The following CEP70 variants were observed in gnomAD, a reference collection of about 807,000 sequenced individuals.
The protein encoded by CEP70 is centrosomal protein of 70 kDa.
A neutral mutation model predicts 90.9 loss-of-function variants in CEP70; 70 were observed. The observed-to-expected ratio is 0.77, with a 90% CI of 0.64 to 0.94. The LOEUF (loss-of-function observed/expected upper bound fraction) is 0.94. CEP70 is among the 40% of genes least tolerant of loss of function. The pLI is 0.00. For synonymous variants in CEP70, 220 were observed against 228.3 expected, an observed-to-expected ratio of 0.96 and a Z score of 0.33; for missense variants, 648 against 669.0, an observed-to-expected ratio of 0.97 and a Z score of 0.35.
chr3:138,577,089 G>C (rs574473782), intron 2 of CEP70, among the ~76,000 whole-genome samples: 1 of 152,072 alleles, frequency 6.6e-6, no homozygotes, highest in Non-Finnish European at 1.5e-5. Context: ...GCAAACTATC[G>C]CAAGGATAGA....
chr3:138,583,636 A>T (rs866424285), intron 2 of CEP70, among the ~76,000 whole-genome samples: 1 of 152,280 alleles, frequency 6.6e-6, no homozygotes. Flanking sequence ...TAAAACTAGA[A>T]ATCAGTTAAC....
At chr3:138,572,714 T>G (rs367564541) in intron 3 of CEP70, 145 bp downstream of exon 3, 4 of 674,192 alleles carry the variant, frequency 5.9e-6, no homozygotes, top group East Asian at 2.7e-5. Context: ...CTTAGAGTAA[T>G]TAAACCATTT....
chr3:138,567,126 T>C (rs1386123243), intron 6 of CEP70, among the ~76,000 whole-genome samples: 1 of 152,204 alleles, frequency 6.6e-6, no homozygotes, highest in African/African-American at 2.4e-5. Flanking sequence ...ATCAATTATA[T>C]TAATAGCCCA....
intron 6 of CEP70, among the ~76,000 whole-genome samples, chr3:138,560,474 T>G (rs1321017274): frequency 2.8e-5 from 4 of 141,172 alleles, no homozygotes; most frequent in South Asian, 2.2e-4. Context: ...GGAGTTTTTG[T>G]TTTTTTTTTT....
At chr3:138,578,897 A>C (rs1281837172) in intron 2 of CEP70, among the ~76,000 whole-genome samples, 1 of 152,218 alleles carries the variant, frequency 6.6e-6, no homozygotes, top group Non-Finnish European at 1.5e-5. Flanking sequence ...ACAAAAAAGC[A>C]CCTTCATAAG....
intron 2 of CEP70, among the ~76,000 whole-genome samples, chr3:138,575,459 C>T (rs931347913): frequency 2.0e-5 from 3 of 152,062 alleles, no homozygotes; most frequent in Non-Finnish European, 4.4e-5. Context: ...TGTGAAAAGA[C>T]CAAATCTATG....
At chr3:138,583,602 G>A (rs755844194) in intron 2 of CEP70, among the ~76,000 whole-genome samples, 5 of 152,072 alleles carry the variant, frequency 3.3e-5, no homozygotes, top group Non-Finnish European at 7.4e-5. Context: ...ATAATATAAA[G>A]TATCTTCTCT....
At chr3:138,519,246 G>A (rs1184436269) in intron 11 of CEP70, among the ~76,000 whole-genome samples, 1 of 125,966 alleles carries the variant, frequency 7.9e-6, no homozygotes, top group Non-Finnish European at 1.9e-5. Context: ...GAACCAAGCT[G>A]GAAAACACTC....
At chr3:138,566,478 C>T (rs532491712) in intron 6 of CEP70, among the ~76,000 whole-genome samples, 68 of 152,256 alleles carry the variant, frequency 4.5e-4, no homozygotes, top group African/African-American at 1.5e-3. Flanking sequence ...ATATACATCA[C>T]GGAATACTAT....
chr3:138,556,507 G>A (rs2040013844), intron 6 of CEP70, among the ~76,000 whole-genome samples: 1 of 124,118 alleles, frequency 8.1e-6, no homozygotes. Flanking sequence ...CAGCCTGGGT[G>A]ACAGAGTGAG....
chr3:138,524,231 G>A (rs1240432975), intron 11 of CEP70, among the ~76,000 whole-genome samples: 2 of 151,392 alleles, frequency 1.3e-5, no homozygotes, highest in East Asian at 3.9e-4. Context: ...AATTCAAGAT[G>A]GATTAAAGAC....
chr3:138,583,934 T>C (rs1239579278), intron 2 of CEP70, among the ~76,000 whole-genome samples: 1 of 151,808 alleles, frequency 6.6e-6, no homozygotes, highest in African/African-American at 2.4e-5. Flanking sequence ...TAATAAAGAT[T>C]ACAGCAGAAA....
chr3:138,534,337 G>A (rs567939318), intron 7 of CEP70, among the ~76,000 whole-genome samples: 4 of 151,850 alleles, frequency 2.6e-5, no homozygotes, highest in African/African-American at 4.8e-5. Context: ...CAAGCCTTCC[G>A]CATCTTAACA....
rs1436827450 is a variant in CEP70, at chr3:138,591,842, C to A, written c.-6+12G>T. On this transcript the variant is annotated intron_variant, in intron 2 of 17. Transcript: ENST00000264982. ...TCCCAACATCTGGAGTCATCCGTTA[C>A]ATTAGACATACCTCAGTCATAGCAT... The A allele has an allele frequency of 1.2e-5, 19 of 1,532,108 alleles. No homozygotes were observed. The East Asian group carries it at 4.7e-4, about 38-fold the overall frequency. The allele number at this position is 1,532,108 out of a possible 1,614,324, so 94.9% of individuals were successfully genotyped here. A position where few individuals can be genotyped will look rare whatever the true frequency, so the allele number is the denominator to read the frequency against.
At chr3:138,583,762 A>G (rs2041976971) in intron 2 of CEP70, among the ~76,000 whole-genome samples, 1 of 152,216 alleles carries the variant, frequency 6.6e-6, no homozygotes, top group South Asian at 2.1e-4. Flanking sequence ...GAAACAAATG[A>G]TAATGGAAAC....
chr3:138,528,296 A>G (rs1303382192), intron 10 of CEP70, among the ~76,000 whole-genome samples: 1 of 152,108 alleles, frequency 6.6e-6, no homozygotes, highest in Non-Finnish European at 1.5e-5. Context: ...CACCTGCCTC[A>G]GCCTCCTGAA....
At chr3:138,505,203 TATTTA>T in intron 13 of CEP70, 87 bp downstream of exon 13, 1 of 1,015,728 alleles carries the variant, frequency 9.8e-7, no homozygotes, top group South Asian at 2.7e-5. Context: ...AATTAAACCC[TATTTA>T]ATTTTTAGCC....
At position 138,592,119 on chromosome 3, in the gene CEP70, T is replaced by C. The variant is rs545431875; in HGVS notation, c.-108-163A>G. On this transcript the variant is annotated intron_variant, in intron 1 of 17. Transcript: ENST00000264982. ...TAATGGCCTTCCCAGCTCACCATCA[T>C]ATGCCTCTTCCCTTCTCTTCTCTCT... Among the ~76,000 whole-genome samples the C allele has an allele frequency of 7.2e-5, 11 of 152,328 alleles. No individual in the cohort carries two copies. The South Asian group carries it at 2.3e-3, about 32-fold the overall frequency.
chr3:138,512,317 T>G (rs1159149753), intron 11 of CEP70, among the ~76,000 whole-genome samples: 1 of 152,222 alleles, frequency 6.6e-6, no homozygotes, highest in African/African-American at 2.4e-5. Context: ...CTAGCAAAGC[T>G]TGCCCCTTTC....
Sources: gnomAD v4.1 joint callset for allele counts (sites outside exome capture counted in the v4.1 genomes callset) on GRCh38, gnomAD v4.1.1 for gene constraint, MANE v1.5 for transcripts, NCBI Gene and HGNC (gene_info 2026-07-23, HGNC 2026-07-21) for gene names.